The following SLC14A2 variants were observed in gnomAD, a reference collection of about 807,000 sequenced individuals.
The protein encoded by SLC14A2 is solute carrier family 14 member 2, also known as urea transporter 2.
Under a neutral mutation model 104.6 loss-of-function variants are expected in SLC14A2, and 91 were observed. The observed-to-expected ratio is 0.87, with a 90% CI of 0.73 to 1.04. SLC14A2 has a LOEUF of 1.04. SLC14A2 is among the 50% of genes least tolerant of loss of function. The pLI is 0.00. For missense variants in SLC14A2, 1,189 were observed against 1,156.0 expected, an observed-to-expected ratio of 1.03 and a Z score of -0.41; for synonymous variants, 476 against 466.4, an observed-to-expected ratio of 1.02 and a Z score of -0.27.
At chr18:45,547,788 C>G (rs1160018354) in intron 2 of SLC14A2, among the ~76,000 whole-genome samples, 2 of 152,142 alleles carry the variant, frequency 1.3e-5, no homozygotes, top group East Asian at 1.9e-4. Flanking sequence ...GAAGTTGAAG[C>G]CCAGTATTGA....
chr18:45,386,307 T>G (rs189987618), intron 1 of SLC14A2, among the ~76,000 whole-genome samples: 3 of 152,232 alleles, frequency 2.0e-5, no homozygotes, highest in Admixed American at 6.5e-5. Context: ...CTAAAACCCA[T>G]AGATAGGGAA....
chr18:45,368,791 G>C (rs1440584003), intron 1 of SLC14A2, among the ~76,000 whole-genome samples: 1 of 152,194 alleles, frequency 6.6e-6, no homozygotes, highest in African/African-American at 2.4e-5. Flanking sequence ...TCTCCTACCA[G>C]TGAGAAATTG....
chr18:45,182,793 T>C, the SLC14A2 span, among the ~76,000 whole-genome samples: 223 of 152,230 alleles, frequency 1.5e-3, no homozygotes, highest in African/African-American at 5.3e-3. Flanking sequence ...ACTTAATACA[T>C]GAGAAATATG....
chr18:45,475,619 GATATATATATATATATATTTAGGATATAT>G (rs1431319724), intron 1 of SLC14A2, among the ~76,000 whole-genome samples: 2,872 of 66,990 alleles, frequency 0.043, 51 homozygotes, highest in Non-Finnish European at 0.06. Flanking sequence ...ATATATTTAG[GATATATATATATATATATTTAGGATATAT>G]ATATATATAT....
chr18:45,461,110 C>T (rs991132659), intron 1 of SLC14A2, among the ~76,000 whole-genome samples: 1 of 152,150 alleles, frequency 6.6e-6, no homozygotes, highest in Non-Finnish European at 1.5e-5. Flanking sequence ...CCCTTCCACC[C>T]AATTTGCCCC....
At chr18:45,231,831 A>G (rs967118633) in intron 1 of SLC14A2, among the ~76,000 whole-genome samples, 4 of 152,214 alleles carry the variant, frequency 2.6e-5, no homozygotes, top group Non-Finnish European at 4.4e-5. Context: ...TGTAAGTGTT[A>G]TGAGTTCCCC....
At chr18:45,512,434 A>C (rs2144790336) in intron 2 of SLC14A2, among the ~76,000 whole-genome samples, 1 of 152,324 alleles carries the variant, frequency 6.6e-6, no homozygotes, top group East Asian at 1.9e-4. Context: ...CTGAAGAGTC[A>C]AGAGAAATTC....
chr18:45,639,947 T>G (rs1167418221), intron 7 of SLC14A2, 54 bp downstream of exon 7: 1 of 1,518,734 alleles, frequency 6.6e-7, no homozygotes, highest in Non-Finnish European at 9.0e-7. Context: ...TCAAGGTCAC[T>G]TTTCCCCTAC....
chr18:45,235,229 G>A (rs1251093820), intron 1 of SLC14A2, among the ~76,000 whole-genome samples: 1 of 152,116 alleles, frequency 6.6e-6, no homozygotes. Flanking sequence ...GCAGACAAGG[G>A]ACACTCAGAT....
At chr18:45,518,905 C>T (rs1426079300) in intron 2 of SLC14A2, among the ~76,000 whole-genome samples, 4 of 152,152 alleles carry the variant, frequency 2.6e-5, no homozygotes, top group African/African-American at 4.8e-5. Flanking sequence ...GAGATGTGTC[C>T]ACTGTGATTC....
intron 1 of SLC14A2, among the ~76,000 whole-genome samples, chr18:45,430,052 G>A (rs2086490530): frequency 6.6e-6 from 1 of 152,198 alleles, no homozygotes; most frequent in Non-Finnish European, 1.5e-5. Flanking sequence ...ACACTCAGAT[G>A]TTAAGCAACT....
intron 1 of SLC14A2, among the ~76,000 whole-genome samples, chr18:45,415,268 A>G (rs1040475151): frequency 3.3e-5 from 5 of 152,124 alleles, no homozygotes; most frequent in African/African-American, 1.2e-4. Flanking sequence ...ACCTGGGGTC[A>G]GGGGGTGTGT....
chr18:45,544,105 A>G (rs1011949169), intron 2 of SLC14A2, among the ~76,000 whole-genome samples: 2 of 152,198 alleles, frequency 1.3e-5, no homozygotes, highest in Admixed American at 6.5e-5. Flanking sequence ...CGCCCAATGC[A>G]CCGTCCCCTT....
At chr18:45,248,713 C>T (rs528756972) in intron 1 of SLC14A2, among the ~76,000 whole-genome samples, 2 of 152,320 alleles carry the variant, frequency 1.3e-5, no homozygotes, top group Admixed American at 6.5e-5. Flanking sequence ...CCAATTTTAG[C>T]TCCTGTGACT....
chr18:45,525,091 G>C (rs1054474795), intron 2 of SLC14A2, among the ~76,000 whole-genome samples: 9 of 151,376 alleles, frequency 5.9e-5, no homozygotes, highest in Non-Finnish European at 1.2e-4. Context: ...ATACCTCTTG[G>C]GGGTAATTCC....
chr18:45,208,302 A>G (rs945211201), upstream of SLC14A2, among the ~76,000 whole-genome samples: 23 of 152,232 alleles, frequency 1.5e-4, 1 homozygote, highest in Non-Finnish European at 2.4e-4. Context: ...TAACTTCTAT[A>G]ATAATAAAGC....
intron 1 of SLC14A2, among the ~76,000 whole-genome samples, chr18:45,325,898 T>C (rs2085229664): frequency 6.6e-6 from 1 of 152,136 alleles, no homozygotes; most frequent in Non-Finnish European, 1.5e-5. Context: ...TCTGGATCAG[T>C]GAGTGAGGGG....
Position 45,240,245 on chromosome 18 carries a change from T to G in SLC14A2, c.-125+27054T>G, listed in dbSNP as rs926112268. On this transcript the variant is annotated intron_variant, in intron 1 of 20. Coordinates refer to the SLC14A2 transcript ENST00000586448. ...CCGAGTGGCTGGGACTACAGGCATGTGCCACCACACCCGGCTAATTTTTTC... is the reference window on the plus strand; with the variant it reads ...CCGAGTGGCTGGGACTACAGGCATGGGCCACCACACCCGGCTAATTTTTTC... Among the ~76,000 whole-genome samples the G allele has an allele frequency of 2.0e-5, 3 of 151,772 alleles. No individual in the cohort carries two copies. In the East Asian group the frequency reaches 5.8e-4, roughly 30 times the overall value.
At chr18:45,546,109 T>C (rs1420463947) in intron 2 of SLC14A2, among the ~76,000 whole-genome samples, 1 of 152,234 alleles carries the variant, frequency 6.6e-6, no homozygotes, top group Non-Finnish European at 1.5e-5. Context: ...ATATCCACTG[T>C]GTCATTGCAG....
Sources: allele counts gnomAD v4.1 joint callset (sites outside exome capture counted in the v4.1 genomes callset), GRCh38; gene constraint gnomAD v4.1.1; transcripts MANE v1.5; gene names NCBI Gene and HGNC (gene_info 2026-07-23, HGNC 2026-07-21).